The following EHBP1 variants were observed in gnomAD, a reference collection of about 807,000 sequenced individuals.
The protein encoded by EHBP1 is EH domain-binding protein 1.
Under a neutral mutation model 144.0 loss-of-function variants are expected in EHBP1, and 55 were observed. The ratio of observed to expected loss-of-function variants is 0.38; its 90% CI spans 0.31 to 0.48. EHBP1 has a LOEUF of 0.48. EHBP1 is among the 20% of genes least tolerant of loss of function. EHBP1 has a pLI of 0.98. For synonymous variants in EHBP1, 469 were observed against 472.7 expected (o/e 0.99, Z 0.10); for missense variants, 1,200 against 1,364.2 (o/e 0.88, Z 1.90).
intron 7 of EHBP1, among the ~76,000 whole-genome samples, chr2:62,835,843 G>A (rs1391638624): frequency 2.0e-5 from 3 of 152,086 alleles, no homozygotes; most frequent in Middle Eastern, 3.2e-3. Context: ...AGGGTCCTAC[G>A]CCCACGGAAT....
intron 5 of EHBP1, among the ~76,000 whole-genome samples, chr2:62,781,223 A>T (rs2042403440): frequency 6.6e-6 from 1 of 152,164 alleles, no homozygotes; most frequent in African/African-American, 2.4e-5. Context: ...GAGGCTTTCT[A>T]TTGAAAGTGA....
At chr2:63,011,010 A>T (rs1490829288) in intron 19 of EHBP1, among the ~76,000 whole-genome samples, 2 of 151,720 alleles carry the variant, frequency 1.3e-5, no homozygotes, top group Non-Finnish European at 3.0e-5. Flanking sequence ...TGAGGCCAAC[A>T]AATAAATGAA....
intron 13 of EHBP1, among the ~76,000 whole-genome samples, chr2:62,952,419 TTTAA>T (rs2057439515): frequency 6.6e-6 from 1 of 152,150 alleles, no homozygotes; most frequent in Non-Finnish European, 1.5e-5. Context: ...TGTATTAGAG[TTTAA>T]TTGACAGCGT....
chr2:62,805,296 A>G (rs2044354313), intron 5 of EHBP1, among the ~76,000 whole-genome samples: 2 of 152,098 alleles, frequency 1.3e-5, no homozygotes, highest in African/African-American at 2.4e-5. Context: ...TTATTGATAC[A>G]GAACTATATT....
intron 5 of EHBP1, among the ~76,000 whole-genome samples, chr2:62,784,235 C>T (rs1397445531): frequency 6.6e-6 from 1 of 152,166 alleles, no homozygotes; most frequent in Non-Finnish European, 1.5e-5. Context: ...TTTCCTACCT[C>T]TTTTGATATT....
intron 7 of EHBP1, among the ~76,000 whole-genome samples, chr2:62,836,328 G>A (rs1443000627): frequency 1.6e-4 from 23 of 147,948 alleles, no homozygotes; most frequent in East Asian, 1.0e-3. Flanking sequence ...CATCCACACC[G>A]AAAACCCATC....
At chr2:62,759,994 A>G (rs907160954) in intron 3 of EHBP1, among the ~76,000 whole-genome samples, 5 of 152,068 alleles carry the variant, frequency 3.3e-5, no homozygotes, top group Non-Finnish European at 7.4e-5. Context: ...GTCCCTAGGT[A>G]TATACGGGGG....
intron 1 of EHBP1, among the ~76,000 whole-genome samples, chr2:62,689,941 G>A (rs1489903124): frequency 6.6e-6 from 1 of 152,200 alleles, no homozygotes; most frequent in Non-Finnish European, 1.5e-5. Flanking sequence ...GGCTTTGTTA[G>A]TCTTTCATAT....
chr2:63,021,022 T>C (rs1268603711), intron 19 of EHBP1, among the ~76,000 whole-genome samples: 4 of 137,338 alleles, frequency 2.9e-5, no homozygotes, highest in East Asian at 4.7e-4. Flanking sequence ...AAGGTCTCTC[T>C]ATGTTGCCCA....
intron 10 of EHBP1, among the ~76,000 whole-genome samples, chr2:62,935,750 A>G (rs1436423712): frequency 6.6e-6 from 1 of 152,192 alleles, no homozygotes; most frequent in Non-Finnish European, 1.5e-5. Flanking sequence ...TAGATGCTCA[A>G]TCTCAAATAT....
At chr2:62,783,670 C>T (rs1436198106) in intron 5 of EHBP1, among the ~76,000 whole-genome samples, 6 of 152,230 alleles carry the variant, frequency 3.9e-5, no homozygotes, top group Non-Finnish European at 7.3e-5. Flanking sequence ...CACAGGGCAC[C>T]AAGTCCCAAG....
chr2:62,715,807 T>A (rs2035616491), intron 2 of EHBP1, among the ~76,000 whole-genome samples: 1 of 152,222 alleles, frequency 6.6e-6, no homozygotes, highest in South Asian at 2.1e-4. Flanking sequence ...CCAGCCATAC[T>A]ACTTCTGAGC....
At chr2:62,897,450 T>C (rs937994758) in intron 10 of EHBP1, among the ~76,000 whole-genome samples, 7 of 152,238 alleles carry the variant, frequency 4.6e-5, no homozygotes, top group African/African-American at 1.7e-4. Flanking sequence ...GGATAAATTT[T>C]CTGAAGTGAG....
At chr2:62,979,450 C>T (rs2153195803) in intron 15 of EHBP1, 115 bp downstream of exon 15, 1 of 1,119,702 alleles carries the variant, frequency 8.9e-7, no homozygotes, top group East Asian at 2.6e-5. Flanking sequence ...AGCTTCTAAC[C>T]TATTGATATG....
chr2:62,947,868 C>T (rs2153088199), intron 12 of EHBP1, among the ~76,000 whole-genome samples: 1 of 152,184 alleles, frequency 6.6e-6, no homozygotes, highest in Admixed American at 6.6e-5. Flanking sequence ...ACTTATCTAG[C>T]TGTGCTTTTC....
At chr2:62,676,607 G>A (rs1314574924) in intron 1 of EHBP1, among the ~76,000 whole-genome samples, 1 of 152,148 alleles carries the variant, frequency 6.6e-6, no homozygotes, top group Admixed American at 6.5e-5. Context: ...CATGGGGGTT[G>A]TCAAATTGTA....
At chr2:63,032,608 A>G (rs1186543186) in intron 19 of EHBP1, among the ~76,000 whole-genome samples, 6 of 147,952 alleles carry the variant, frequency 4.1e-5, no homozygotes, top group African/African-American at 5.0e-5. Context: ...TTCAGACCCC[A>G]TTAAGGAGTA....
Position 62,928,716 on chromosome 2 carries a change from A to C in EHBP1, c.1186-14002A>C, listed in dbSNP as rs149223601. 1.4e-3 allele frequency among the ~76,000 whole-genome samples: 207 copies of C among 152,174 alleles called. 2 individuals are homozygous for C. Among genetic ancestry groups the C allele is most frequent in the African/African-American group, 4.8e-3 (198 of 41,550 alleles). On this transcript the variant is annotated intron_variant, in intron 10 of 22. Coordinates refer to ENST00000431489, the MANE Select transcript of EHBP1 (RefSeq NM_001142616.3). ...AGCTAGAAAAAGGAAGGAAATAATA[A>C]AGATTAGAGCAGAGATAAACAAAAT...
Position 62,707,030 on chromosome 2 carries a change from C to G in EHBP1, c.-162C>G. ...CCATTCATCTAAGATGGGATTTACC[C>G]TGTGAAACAGGGAGAAGACTTATGG... On this transcript the variant is annotated 5_prime_UTR_variant, in exon 2 of 23. Transcript: ENST00000431489. 5.0e-6 allele frequency: 3 copies of G among 596,526 alleles called. No homozygotes were observed. Among genetic ancestry groups the G allele is most frequent in the Non-Finnish European group, 9.1e-6 (3 of 329,950 alleles). The allele number at this position is 596,526 out of a possible 1,614,324, so 37.0% of individuals were successfully genotyped here. A position where few individuals can be genotyped will look rare whatever the true frequency, so the allele number is the denominator to read the frequency against.
Sources: gnomAD v4.1 joint callset for allele counts (sites outside exome capture counted in the v4.1 genomes callset) on GRCh38, gnomAD v4.1.1 for gene constraint, MANE v1.5 for transcripts, NCBI Gene and HGNC (gene_info 2026-07-23, HGNC 2026-07-21) for gene names.